Variants in FGF14 observed in about 807,000 individuals in gnomAD.
FGF14 encodes the protein fibroblast growth factor 14.
FGF14 carries 5 observed loss-of-function variants against 25.5 expected under a neutral mutation model. The ratio of observed to expected loss-of-function variants is 0.20; its 90% CI spans 0.10 to 0.41. The LOEUF is 0.41. Ranked by LOEUF, FGF14 falls within the 10% of genes least tolerant of loss-of-function variation. FGF14 has a pLI of 1.00. For synonymous variants in FGF14, 138 were observed against 118.3 expected (o/e 1.17, Z -1.08); for missense variants, 222 against 320.1 (o/e 0.69, Z 2.34).
At chr13:101,927,058 C>T (rs1164759865) in intron 1 of FGF14, among the ~76,000 whole-genome samples, 1 of 152,078 alleles carries the variant, frequency 6.6e-6, no homozygotes, top group Non-Finnish European at 1.5e-5. Context: ...GCCCTGCTCA[C>T]CACATTTTTC....
At chr13:102,165,198 C>T (rs1298374720) in intron 1 of FGF14, among the ~76,000 whole-genome samples, 3 of 151,998 alleles carry the variant, frequency 2.0e-5, no homozygotes, top group East Asian at 1.9e-4. Context: ...GAAATAGGAA[C>T]ACTTTTACAC....
At chr13:101,951,685 A>G (rs1221083538) in intron 1 of FGF14, among the ~76,000 whole-genome samples, 1 of 152,176 alleles carries the variant, frequency 6.6e-6, no homozygotes, top group Non-Finnish European at 1.5e-5. Context: ...CCAATTTAGA[A>G]TCTGATGTCA....
intron 1 of FGF14, among the ~76,000 whole-genome samples, chr13:102,187,879 TA>T (rs1316998071): frequency 6.6e-6 from 1 of 152,148 alleles, no homozygotes; most frequent in African/African-American, 2.4e-5. Context: ...ACACAGAAAG[TA>T]ATGGGTATTC....
intron 3 of FGF14, among the ~76,000 whole-genome samples, chr13:101,755,273 T>A (rs569199006): frequency 6.6e-5 from 10 of 152,172 alleles, no homozygotes; most frequent in Non-Finnish European, 1.5e-4. Context: ...CTACCCACCC[T>A]CTTAATCCTT....
At chr13:101,787,527 T>C (rs2039910595) in intron 3 of FGF14, among the ~76,000 whole-genome samples, 2 of 152,300 alleles carry the variant, frequency 1.3e-5, no homozygotes, top group South Asian at 4.1e-4. Flanking sequence ...AAAAGGATTG[T>C]GTCTGCAAGC....
chr13:101,970,872 C>T (rs1373976210), intron 1 of FGF14, among the ~76,000 whole-genome samples: 1 of 152,170 alleles, frequency 6.6e-6, no homozygotes, highest in Admixed American at 6.6e-5. Flanking sequence ...CCTCCCATAG[C>T]CTGTCACCAC....
chr13:102,370,169 T>A (rs1032066710), intron 1 of FGF14, among the ~76,000 whole-genome samples: 1 of 152,058 alleles, frequency 6.6e-6, no homozygotes, highest in Admixed American at 6.5e-5. Flanking sequence ...TTTTTTAAAT[T>A]TTTTGTAGAG....
chr13:101,812,138 G>T (rs951723853), intron 3 of FGF14, among the ~76,000 whole-genome samples: 2 of 152,136 alleles, frequency 1.3e-5, no homozygotes, highest in African/African-American at 4.8e-5. Flanking sequence ...ATGAAAAGAT[G>T]TCATTCTTCC....
chr13:101,772,677 C>T (rs2038853959), intron 3 of FGF14, among the ~76,000 whole-genome samples: 1 of 151,984 alleles, frequency 6.6e-6, no homozygotes, highest in African/African-American at 2.4e-5. Context: ...CATTATGTGG[C>T]AATGAAGCAA....
intron 1 of FGF14, chr13:102,395,831 A>G (rs2058568355): frequency 6.6e-6 from 1 of 152,204 alleles, no homozygotes; most frequent in African/African-American, 2.4e-5. Flanking sequence ...TGTTCCCTAT[A>G]AAACATGTCT....
chr13:102,147,180 G>C (rs998406730), intron 1 of FGF14, among the ~76,000 whole-genome samples: 2 of 152,186 alleles, frequency 1.3e-5, no homozygotes, highest in Non-Finnish European at 2.9e-5. Context: ...CTTGTGTCTA[G>C]TCAAGACCCT....
At chr13:101,859,487 G>T (rs1594511730) in intron 3 of FGF14, among the ~76,000 whole-genome samples, 1 of 152,194 alleles carries the variant, frequency 6.6e-6, no homozygotes, top group East Asian at 1.9e-4. Context: ...GCTGACAATG[G>T]AAGGAGTACA....
At position 101,916,719 on chromosome 13, in the gene FGF14, G is replaced by T; in HGVS notation, c.-74C>A. The T allele has an allele frequency of 1.5e-6, 2 of 1,333,722 alleles. No homozygotes were observed. Among genetic ancestry groups the T allele is most frequent in the Non-Finnish European group, 2.0e-6 (2 of 1,002,824 alleles). 82.6% of individuals were successfully genotyped at this position (1,333,722 alleles called of 1,614,324 possible). A position where few individuals can be genotyped will look rare whatever the true frequency, so the allele number is the denominator to read the frequency against. Reference sequence around the variant, plus strand: ...AGCCGGGGGCACCGGAGGGGAAGGCGGCGGCGCAGACCGTGGCTCGCCCTC... The same window carrying T: ...AGCCGGGGGCACCGGAGGGGAAGGCTGCGGCGCAGACCGTGGCTCGCCCTC... On this transcript the variant is annotated 5_prime_UTR_variant, in exon 1 of 5. Coordinates refer to ENST00000376143, the MANE Select transcript of FGF14 (RefSeq NM_004115.4).
chr13:102,261,986 A>C (rs7997701), intron 1 of FGF14, among the ~76,000 whole-genome samples: 120,416 of 152,026 alleles, frequency 0.79, 48,536 homozygotes, highest in African/African-American at 0.94. Flanking sequence ...TGTTTGGCTA[A>C]GTGACTCTTC....
At chr13:102,150,169 A>G (rs1239085134) in intron 1 of FGF14, among the ~76,000 whole-genome samples, 1 of 152,090 alleles carries the variant, frequency 6.6e-6, no homozygotes, top group Non-Finnish European at 1.5e-5. Flanking sequence ...CAAGTCCCTT[A>G]GCATCTTTGA....
intron 1 of FGF14, among the ~76,000 whole-genome samples, chr13:102,171,892 GTTTT>G (rs11354485): frequency 0.13 from 18,801 of 145,856 alleles, 2,419 homozygotes; most frequent in East Asian, 0.7. Context: ...AATATTCTAG[GTTTT>G]TTTTTTTTTG....
At chr13:101,790,182 T>A (rs61966766) in intron 3 of FGF14, among the ~76,000 whole-genome samples, 1,690 of 151,772 alleles carry the variant, frequency 0.011, 19 homozygotes, top group Non-Finnish European at 0.019. Context: ...TACCAAGCTT[T>A]ATTTTTTAAA....
At position 101,906,975 on chromosome 13, in the gene FGF14, T is replaced by G. The variant is rs564710211; in HGVS notation, c.193+9478A>C. ...CCTTCCAAAGTTTATGACTATTTCT[T>G]TCTACATAATGCTTAAACTTGAGTG... On this transcript the variant is annotated intron_variant, in intron 1 of 4. Coordinates refer to ENST00000376143, the MANE Select transcript of FGF14 (RefSeq NM_004115.4). 6.9e-4 allele frequency among the ~76,000 whole-genome samples: 105 copies of G among 152,272 alleles called. 2 individuals carry two copies. Among genetic ancestry groups the G allele is most frequent in the South Asian group, 6.0e-3 (29 of 4,826 alleles).
chr13:102,168,215 T>A (rs79491298), intron 1 of FGF14, among the ~76,000 whole-genome samples: 10,689 of 152,154 alleles, frequency 0.07, 682 homozygotes, highest in East Asian at 0.21. Context: ...AGTGTAAACA[T>A]TTCCTGAAGA....
Sources: allele counts gnomAD v4.1 joint callset (sites outside exome capture counted in the v4.1 genomes callset), GRCh38; gene constraint gnomAD v4.1.1; transcripts MANE v1.5; gene names NCBI Gene and HGNC (gene_info 2026-07-23, HGNC 2026-07-21).